Variants in KIAA0319L observed in about 807,000 individuals in gnomAD.
KIAA0319L encodes dyslexia-associated protein KIAA0319-like protein.
Under a neutral mutation model 120.1 loss-of-function variants are expected in KIAA0319L, and 55 were observed. The observed-to-expected ratio is 0.46, with a 90% CI of 0.37 to 0.57. The LOEUF is 0.57. Among genes scored for constraint, KIAA0319L ranks in the 20% least tolerant of loss-of-function variants. The pLI, the probability that KIAA0319L is intolerant of heterozygous loss-of-function variation, is 0.00. For missense variants in KIAA0319L, 1,049 were observed against 1,255.3 expected (o/e 0.84, Z 2.48); for synonymous variants, 398 against 471.9 (o/e 0.84, Z 2.03).
chr1:35,515,746 A>G (rs1246016642), intron 2 of KIAA0319L, among the ~76,000 whole-genome samples: 1 of 152,192 alleles, frequency 6.6e-6, no homozygotes, highest in Non-Finnish European at 1.5e-5. Flanking sequence ...AAAAAATTCA[A>G]AAGATCAACA....
chr1:35,544,060 A>G (rs1646891576), intron 2 of KIAA0319L, among the ~76,000 whole-genome samples: 1 of 152,042 alleles, frequency 6.6e-6, no homozygotes. Flanking sequence ...TGGAAGTGGG[A>G]CAAAACATAA....
chr1:35,513,288 A>AT (rs67198806), intron 2 of KIAA0319L, among the ~76,000 whole-genome samples: 224 of 85,262 alleles, frequency 2.6e-3, no homozygotes, highest in East Asian at 7.9e-3. Flanking sequence ...ATATATATAT[A>AT]TTTTTTTTTT....
At chr1:35,481,100 T>C (rs932542415) in intron 3 of KIAA0319L, among the ~76,000 whole-genome samples, 1 of 152,258 alleles carries the variant, frequency 6.6e-6, no homozygotes, top group African/African-American at 2.4e-5. Flanking sequence ...TTGAAATTTA[T>C]TCATGATATT....
chr1:35,471,912 C>T (rs1185829746), intron 5 of KIAA0319L, among the ~76,000 whole-genome samples: 1 of 152,092 alleles, frequency 6.6e-6, no homozygotes, highest in Non-Finnish European at 1.5e-5. Flanking sequence ...TCCTTCCTTC[C>T]TTCCTCCTCC....
rs185365963 is a variant in KIAA0319L at position 35,521,143 on chromosome 1, C to A, written c.143-14008G>T. 3.5e-3 allele frequency among the ~76,000 whole-genome samples: 526 copies of A among 151,292 alleles called. 3 individuals are homozygous for A. The highest frequency in any genetic ancestry group is 6.8e-3 in the Middle Eastern group (2 of 294). Reference sequence around the variant, plus strand: ...ATCATTTGAGGTCAGGAGTTCGAGACCAGCTTGGCCAACACAGTGAAACCC... The same window carrying A: ...ATCATTTGAGGTCAGGAGTTCGAGAACAGCTTGGCCAACACAGTGAAACCC... On this transcript the variant is annotated intron_variant, in intron 2 of 20. Coordinates refer to ENST00000325722, the MANE Select transcript of KIAA0319L (RefSeq NM_024874.5).
At chr1:35,439,953 A>G (rs1641079083) in intron 20 of KIAA0319L, 2 of 152,242 alleles carry the variant, frequency 1.3e-5, no homozygotes, top group South Asian at 4.1e-4. Flanking sequence ...TTGTGCTAGA[A>G]ATAGTAAGTC....
chr1:35,507,248 G>C lies in KIAA0319L; in HGVS notation c.143-113C>G, dbSNP rs1044144056. The C allele has an allele frequency of 3.9e-6, 4 of 1,038,212 alleles. No homozygotes were observed. In the East Asian group the frequency reaches 1.0e-4, roughly 27 times the overall value. The allele number at this position is 1,038,212 out of a possible 1,614,324, so 64.3% of individuals were successfully genotyped here. A position where few individuals can be genotyped will look rare whatever the true frequency, so the allele number is the denominator to read the frequency against. ...TTATTTTGAAGACGAGTTTTTAAGA[G>C]GGTGAGAAAGCCATCTAGTGAGTGG... is the stretch of plus-strand genomic sequence containing the variant. On this transcript the variant is annotated intron_variant, in intron 2 of 20. Coordinates refer to ENST00000325722, the MANE Select transcript of KIAA0319L (RefSeq NM_024874.5).
intron 3 of KIAA0319L, among the ~76,000 whole-genome samples, chr1:35,492,889 C>T (rs527581672): frequency 5.9e-5 from 9 of 151,972 alleles, no homozygotes; most frequent in East Asian, 1.9e-4. Context: ...CCTGGCATGG[C>T]GGCTCACATC....
intron 16 of KIAA0319L, 116 bp downstream of exon 16, chr1:35,448,057 T>G: frequency 1.0e-6 from 1 of 967,430 alleles, no homozygotes; most frequent in Non-Finnish European, 1.5e-6. Context: ...GCAACATGAG[T>G]GTTTCTGGTC....
At chr1:35,500,464 C>T (rs1644964830) in intron 3 of KIAA0319L, among the ~76,000 whole-genome samples, 1 of 152,176 alleles carries the variant, frequency 6.6e-6, no homozygotes, top group Non-Finnish European at 1.5e-5. Flanking sequence ...TGATGACATT[C>T]CTTTCTACTT....
At chr1:35,454,241 G>T in intron 11 of KIAA0319L, 121 bp downstream of exon 11, 1 of 950,400 alleles carries the variant, frequency 1.1e-6, no homozygotes, top group Non-Finnish European at 1.6e-6. Flanking sequence ...AGTCACCAGA[G>T]GCTCTATGGA....
intron 20 of KIAA0319L, 198 bp from the exon 21 acceptor site, chr1:35,435,279 G>A (rs1640694322): frequency 1.7e-6 from 1 of 588,278 alleles, no homozygotes; most frequent in East Asian, 2.9e-5. Context: ...ACTAAGGGGT[G>A]TCACAGAGTA....
intron 9 of KIAA0319L, among the ~76,000 whole-genome samples, chr1:35,458,482 AT>A (rs1300502439): frequency 6.6e-6 from 1 of 152,050 alleles, no homozygotes; most frequent in Non-Finnish European, 1.5e-5. Flanking sequence ...AAATCATATC[AT>A]TTCATAGATT....
intron 15 of KIAA0319L, among the ~76,000 whole-genome samples, chr1:35,448,587 A>G (rs1641815720): frequency 6.6e-6 from 1 of 152,152 alleles, no homozygotes; most frequent in Non-Finnish European, 1.5e-5. Context: ...CAGTGATGCA[A>G]TGAGGGGTGG....
chr1:35,485,944 T>G (rs1238006850), intron 3 of KIAA0319L, among the ~76,000 whole-genome samples: 1 of 152,184 alleles, frequency 6.6e-6, no homozygotes, highest in African/African-American at 2.4e-5. Context: ...CTCTGGCTCC[T>G]TAAGATATTA....
In KIAA0319L at chr1:35,434,850, C is replaced by T. The variant is rs375670791; in HGVS notation, c.*44G>A. 5.8e-5 allele frequency: 89 copies of T among 1,541,042 alleles called. No homozygotes were observed. The Middle Eastern group carries it at 1.7e-3, about 29-fold the overall frequency. ...AGACTCGGGAGGTAGGAGGACTGGC[C>T]GGGCAGTGTGCTGGGCCCTGCCCTG... On this transcript the variant is annotated 3_prime_UTR_variant, in exon 21 of 21. Coordinates refer to ENST00000325722, the MANE Select transcript of KIAA0319L (RefSeq NM_024874.5).
intron 2 of KIAA0319L, among the ~76,000 whole-genome samples, chr1:35,525,080 C>T (rs1414331949): frequency 1.3e-5 from 2 of 152,082 alleles, no homozygotes; most frequent in Non-Finnish European, 2.9e-5. Flanking sequence ...TTTAGCTCCC[C>T]CATTTGAGTA....
chr1:35,511,725 T>G (rs1166648376), intron 2 of KIAA0319L, among the ~76,000 whole-genome samples: 1 of 152,192 alleles, frequency 6.6e-6, no homozygotes, highest in East Asian at 1.9e-4. Context: ...TGTAAGGATG[T>G]TCACTGTAGT....
intron 2 of KIAA0319L, among the ~76,000 whole-genome samples, chr1:35,528,151 AATC>A (rs1361217360): frequency 7.2e-5 from 11 of 152,196 alleles, no homozygotes; most frequent in African/African-American, 2.4e-4. Flanking sequence ...AAAGTGGCAC[AATC>A]ATGGCTCACT....
Sources: gnomAD v4.1 joint callset for allele counts (sites outside exome capture counted in the v4.1 genomes callset) on GRCh38, gnomAD v4.1.1 for gene constraint, MANE v1.5 for transcripts, NCBI Gene and HGNC (gene_info 2026-07-23, HGNC 2026-07-21) for gene names.